The following CLASP2 variants were observed in gnomAD, a reference collection of about 807,000 sequenced individuals.
CLASP2 encodes CLIP-associating protein 2.
CLASP2 carries 47 observed loss-of-function variants against 194.4 expected under a neutral mutation model. That is an observed-to-expected ratio of 0.24 (90% confidence interval 0.19 to 0.31). The LOEUF (loss-of-function observed/expected upper bound fraction) is 0.31, where lower values mean the gene tolerates loss of function less well. Ranked by LOEUF, CLASP2 falls within the 10% of genes least tolerant of loss-of-function variation. The pLI is 1.00. For missense variants in CLASP2, 1,445 were observed against 1,823.6 expected, an observed-to-expected ratio of 0.79 and a Z score of 3.78; for synonymous variants, 619 against 633.5, an observed-to-expected ratio of 0.98 and a Z score of 0.34.
At position 33,497,347 on chromosome 3, in the gene CLASP2, T is replaced by C. The variant is rs2045926931; in HGVS notation, c.*1284A>G. On this transcript the variant is annotated 3_prime_UTR_variant, in exon 39 of 39. Transcript: ENST00000682230. Reference sequence around the variant, plus strand: ...ATTAAAAAAAAGTAAAGATGAGAAATCATTAGTATCCTGGTTCCAAATTAT... The same window carrying C: ...ATTAAAAAAAAGTAAAGATGAGAAACCATTAGTATCCTGGTTCCAAATTAT... 2 of 152,580 alleles carry C rather than the reference T, an allele frequency of 1.3e-5. No individual in the cohort carries two copies. The highest frequency in any genetic ancestry group is 4.8e-5 in the African/African-American group (2 of 41,434). The allele number at this position is 152,580 out of a possible 1,614,324, so 9.5% of individuals were successfully genotyped here.
intron 37 of CLASP2, 148 bp from the exon 38 acceptor site, chr3:33,501,916 T>G (rs2046939883): frequency 1.7e-6 from 1 of 603,546 alleles, no homozygotes; most frequent in Non-Finnish European, 3.0e-6. Context: ...TTTTAACCTT[T>G]TCAAGCATAG....
intron 2 of CLASP2, among the ~76,000 whole-genome samples, chr3:33,690,781 A>G (rs1367807401): frequency 1.3e-5 from 2 of 152,202 alleles, no homozygotes; most frequent in Non-Finnish European, 1.5e-5. Flanking sequence ...TTTGTCCAAC[A>G]TACCCGCACT....
chr3:33,649,893 C>T (rs1037693855), intron 7 of CLASP2, among the ~76,000 whole-genome samples: 1 of 152,168 alleles, frequency 6.6e-6, no homozygotes, highest in African/African-American at 2.4e-5. Flanking sequence ...TCTGTGGGCT[C>T]AGACTGGTAG....
At chr3:33,691,159 T>A (rs2091308732) in intron 2 of CLASP2, among the ~76,000 whole-genome samples, 1 of 152,108 alleles carries the variant, frequency 6.6e-6, no homozygotes, top group African/African-American at 2.4e-5. Flanking sequence ...TATCGGAGGC[T>A]TCAGGAATCC....
intron 21 of CLASP2, among the ~76,000 whole-genome samples, chr3:33,590,720 A>T (rs1478606496): frequency 6.6e-6 from 1 of 152,142 alleles, no homozygotes; most frequent in African/African-American, 2.4e-5. Context: ...AAAGAGAAGG[A>T]TCTGGTGGGT....
chr3:33,663,539 T>C (rs780489603), intron 6 of CLASP2, 24 bp from the exon 7 acceptor site: 93 of 1,520,208 alleles, frequency 6.1e-5, no homozygotes, highest in Non-Finnish European at 8.0e-5. Context: ...ATAAATTGGG[T>C]TTGTTTGATT....
chr3:33,562,755 AC>A (rs1485205088), intron 27 of CLASP2, among the ~76,000 whole-genome samples: 2 of 152,226 alleles, frequency 1.3e-5, no homozygotes, highest in African/African-American at 4.8e-5. Context: ...AAAATCACAG[AC>A]ATTAGAATGC....
intron 23 of CLASP2, among the ~76,000 whole-genome samples, chr3:33,580,331 G>C (rs2065773548): frequency 6.6e-6 from 1 of 152,136 alleles, no homozygotes. Context: ...GGAGGCCGAG[G>C]TAGGTGGATC....
intron 28 of CLASP2, among the ~76,000 whole-genome samples, chr3:33,559,607 T>C (rs2061478445): frequency 6.6e-6 from 1 of 152,088 alleles, no homozygotes; most frequent in Non-Finnish European, 1.5e-5. Flanking sequence ...AAAAAGTAAC[T>C]CTACAGGCCG....
intron 1 of CLASP2, among the ~76,000 whole-genome samples, chr3:33,714,759 T>A (rs1478596183): frequency 6.6e-6 from 1 of 152,142 alleles, no homozygotes; most frequent in Non-Finnish European, 1.5e-5. Context: ...TATTTTTTTT[T>A]AGACAGGAAT....
rs193003253 is a variant in CLASP2 at position 33,539,435 on chromosome 3, A to G, written c.3405-493T>C. On this transcript the variant is annotated intron_variant, in intron 32 of 38. Coordinates refer to ENST00000682230, the MANE Select transcript of CLASP2 (RefSeq NM_001365631.1). Reference sequence around the variant, plus strand: ...CTGCAACCTCTGCCTCCCGAGTTCAACTGATTCTCCTGCCTCAGCCTCCCG... The same window carrying G: ...CTGCAACCTCTGCCTCCCGAGTTCAGCTGATTCTCCTGCCTCAGCCTCCCG... 2.6e-3 allele frequency among the ~76,000 whole-genome samples: 388 copies of G among 152,126 alleles called. 1 individual carries two copies. The highest frequency in any genetic ancestry group is 9.2e-3 in the South Asian group (44 of 4,802).
chr3:33,666,254 G>C lies in CLASP2; in HGVS notation c.645-2739C>G, dbSNP rs540550416. Among the ~76,000 whole-genome samples the C allele has an allele frequency of 1.1e-3, 162 of 152,078 alleles. 1 individual carries two copies. Among genetic ancestry groups the C allele is most frequent in the Admixed American group, 1.7e-3 (26 of 15,268 alleles). ...ACCTCTTCAAACTGTACAATATAAC[G>C]ATTTTTAGTATATCTGCAGAGTTGT... On this transcript the variant is annotated intron_variant, in intron 6 of 38. Transcript: ENST00000682230.
chr3:33,615,056 G>C (rs2075871979), intron 12 of CLASP2, among the ~76,000 whole-genome samples: 1 of 151,914 alleles, frequency 6.6e-6, no homozygotes. Context: ...CCCATATTCT[G>C]AATTGGCAAG....
At chr3:33,557,775 CT>C (rs2061211342) in intron 29 of CLASP2, among the ~76,000 whole-genome samples, 1 of 152,300 alleles carries the variant, frequency 6.6e-6, no homozygotes, top group Middle Eastern at 3.4e-3. Context: ...CAGATGAAAT[CT>C]CTTTCCCCAA....
chr3:33,551,466 A>C, intron 29 of CLASP2, 71 bp from the exon 30 acceptor site: 7 of 1,457,420 alleles, frequency 4.8e-6, no homozygotes, highest in African/African-American at 1.4e-5. Context: ...CATTTCAAAA[A>C]TAATCAGGTG....
At chr3:33,544,338 A>T (rs1280272007) in intron 31 of CLASP2, among the ~76,000 whole-genome samples, 3 of 152,184 alleles carry the variant, frequency 2.0e-5, no homozygotes, top group East Asian at 1.9e-4. Flanking sequence ...TAACCCTGGA[A>T]TAAGTCATCC....
intron 23 of CLASP2, among the ~76,000 whole-genome samples, chr3:33,580,334 G>T (rs1453287149): frequency 2.0e-5 from 3 of 152,138 alleles, no homozygotes; most frequent in African/African-American, 7.2e-5. Flanking sequence ...GGCCGAGGTA[G>T]GTGGATCACC....
chr3:33,617,933 TTATA>T (rs1206814946), intron 12 of CLASP2, among the ~76,000 whole-genome samples: 1 of 142,900 alleles, frequency 7.0e-6, no homozygotes, highest in East Asian at 2.0e-4. Flanking sequence ...ATTATTATTA[TTATA>T]TATATATATA....
chr3:33,710,467 G>A (rs1231331590), intron 1 of CLASP2, among the ~76,000 whole-genome samples: 3 of 152,146 alleles, frequency 2.0e-5, no homozygotes, highest in Admixed American at 2.0e-4. Context: ...CAGCTACTCA[G>A]AAGACTGAGG....
Sources: gnomAD v4.1 joint callset for allele counts (sites outside exome capture counted in the v4.1 genomes callset) on GRCh38, gnomAD v4.1.1 for gene constraint, MANE v1.5 for transcripts, NCBI Gene and HGNC (gene_info 2026-07-23, HGNC 2026-07-21) for gene names.